PLPPR1: variants seen among roughly 807,000 people sequenced by gnomAD.
PLPPR1 encodes the protein phospholipid phosphatase related 1.
A neutral mutation model predicts 33.1 loss-of-function variants in PLPPR1; 10 were observed. The ratio of observed to expected loss-of-function variants is 0.30; its 90% CI spans 0.19 to 0.51. The LOEUF (loss-of-function observed/expected upper bound fraction) is 0.51, where lower values mean the gene tolerates loss of function less well. Ranked by LOEUF, PLPPR1 falls within the 20% of genes least tolerant of loss-of-function variation. The pLI is 0.97. For synonymous variants in PLPPR1, 151 were observed against 151.0 expected, an observed-to-expected ratio of 1.00 and a Z score of 0.00; for missense variants, 304 against 408.1, an observed-to-expected ratio of 0.74 and a Z score of 2.20.
intron 2 of PLPPR1, 156 bp from the exon 3 acceptor site, chr9:101,269,724 C>T (rs906810184): frequency 4.4e-6 from 3 of 677,736 alleles, no homozygotes; most frequent in South Asian, 1.7e-5. Flanking sequence ...CAAGCAAGCA[C>T]ACACTCCCAG....
intron 7 of PLPPR1, among the ~76,000 whole-genome samples, chr9:101,320,634 G>A (rs796426764): frequency 4.6e-5 from 7 of 152,276 alleles, no homozygotes; most frequent in Middle Eastern, 3.4e-3. Flanking sequence ...CATACCAGTC[G>A]TGAAAAATGC....
chr9:101,303,120 G>A (rs540174652), intron 4 of PLPPR1, among the ~76,000 whole-genome samples: 1 of 151,386 alleles, frequency 6.6e-6, no homozygotes, highest in Admixed American at 6.6e-5. Context: ...CTGAGTAGCT[G>A]GGATTACAGG....
intron 4 of PLPPR1, among the ~76,000 whole-genome samples, chr9:101,289,569 T>C (rs564547929): frequency 6.6e-6 from 1 of 152,354 alleles, no homozygotes; most frequent in South Asian, 2.1e-4. Flanking sequence ...ATAACTTGAA[T>C]CCTGGGGGTG....
chr9:101,212,310 T>C (rs1442332366), intron 2 of PLPPR1, among the ~76,000 whole-genome samples: 1 of 152,140 alleles, frequency 6.6e-6, no homozygotes, highest in Admixed American at 6.5e-5. Context: ...CTCAAACTCC[T>C]GACCTCCAGT....
chr9:101,205,624 A>G (rs557800293), intron 2 of PLPPR1, among the ~76,000 whole-genome samples: 12 of 152,302 alleles, frequency 7.9e-5, no homozygotes, highest in Admixed American at 2.0e-4. Context: ...TCCTTTAGGT[A>G]TGGCAAATAT....
chr9:101,166,638 C>T (rs1443838661), intron 1 of PLPPR1, among the ~76,000 whole-genome samples: 2 of 152,068 alleles, frequency 1.3e-5, no homozygotes, highest in Admixed American at 6.5e-5. Flanking sequence ...CTATATCATA[C>T]AAAAATTAAC....
chr9:101,276,325 T>G (rs1262848417), intron 3 of PLPPR1, among the ~76,000 whole-genome samples: 1 of 152,230 alleles, frequency 6.6e-6, no homozygotes, highest in East Asian at 1.9e-4. Flanking sequence ...GCCCATTAAT[T>G]ATTGTGGATT....
At chr9:101,286,860 A>C (rs1828403647) in intron 4 of PLPPR1, among the ~76,000 whole-genome samples, 1 of 152,238 alleles carries the variant, frequency 6.6e-6, no homozygotes, top group African/African-American at 2.4e-5. Flanking sequence ...AGATCTTACA[A>C]AGTTCCTACA....
At chr9:101,312,998 C>T in intron 6 of PLPPR1, 24 bp downstream of exon 6, 1 of 1,610,918 alleles carries the variant, frequency 6.2e-7, no homozygotes. Context: ...CCTCTTTTTA[C>T]CTTTTCCCCC....
At chr9:101,150,816 A>AT (rs1438813450) in intron 1 of PLPPR1, among the ~76,000 whole-genome samples, 1 of 151,796 alleles carries the variant, frequency 6.6e-6, no homozygotes, top group Non-Finnish European at 1.5e-5. Flanking sequence ...CTGCTTCTTT[A>AT]TGATATGTTT....
At chr9:101,153,751 ATT>A (rs3983751) in intron 1 of PLPPR1, among the ~76,000 whole-genome samples, 10,104 of 144,090 alleles carry the variant, frequency 0.07, 1,101 homozygotes, top group African/African-American at 0.23. Flanking sequence ...TTTTTTTTGT[ATT>A]TTTTTTTTTT....
intron 2 of PLPPR1, among the ~76,000 whole-genome samples, chr9:101,196,630 G>A (rs1315361080): frequency 6.6e-6 from 1 of 152,186 alleles, no homozygotes; most frequent in Non-Finnish European, 1.5e-5. Context: ...GGGAGGCCGA[G>A]GCGGGCGGAT....
chr9:101,321,212 C>G (rs1475851406), intron 7 of PLPPR1, among the ~76,000 whole-genome samples: 1 of 152,190 alleles, frequency 6.6e-6, no homozygotes, highest in African/African-American at 2.4e-5. Context: ...ATCCATCCCA[C>G]TATTCAAAAT....
At chr9:101,252,512 G>C (rs1827729317) in intron 2 of PLPPR1, among the ~76,000 whole-genome samples, 1 of 152,204 alleles carries the variant, frequency 6.6e-6, no homozygotes, top group African/African-American at 2.4e-5. Flanking sequence ...GCAACCTATT[G>C]AGTAATTTCA....
At chr9:101,057,852 C>T (rs1431353372) in intron 1 of PLPPR1, among the ~76,000 whole-genome samples, 1 of 152,124 alleles carries the variant, frequency 6.6e-6, no homozygotes, top group East Asian at 1.9e-4. Context: ...TAACCAAGCA[C>T]ATTTGTGTAC....
chr9:101,223,960 A>G (rs1025680144), intron 2 of PLPPR1, among the ~76,000 whole-genome samples: 20 of 152,166 alleles, frequency 1.3e-4, no homozygotes, highest in Non-Finnish European at 2.6e-4. Flanking sequence ...TGTCAACATT[A>G]TGTAATAATA....
intron 2 of PLPPR1, among the ~76,000 whole-genome samples, chr9:101,203,479 G>A (rs1826528054): frequency 6.6e-6 from 1 of 151,984 alleles, no homozygotes; most frequent in Admixed American, 6.6e-5. Context: ...AAATCACTTT[G>A]AAGCTTCTAG....
chr9:101,200,134 T>G (rs959768234), intron 2 of PLPPR1, among the ~76,000 whole-genome samples: 1 of 152,132 alleles, frequency 6.6e-6, no homozygotes, highest in African/African-American at 2.4e-5. Flanking sequence ...GACGGGGCAT[T>G]GGCAGGCTCA....
intron 2 of PLPPR1, among the ~76,000 whole-genome samples, chr9:101,205,542 C>T (rs1470720323): frequency 1.3e-5 from 2 of 152,094 alleles, no homozygotes; most frequent in Non-Finnish European, 2.9e-5. Flanking sequence ...TTGGGGACAT[C>T]ATATGTATTT....
Sources: allele counts gnomAD v4.1 joint callset (sites outside exome capture counted in the v4.1 genomes callset), GRCh38; gene constraint gnomAD v4.1.1; transcripts MANE v1.5; gene names NCBI Gene and HGNC (gene_info 2026-07-23, HGNC 2026-07-21).